SLC35B4: variants seen among roughly 807,000 people sequenced by gnomAD.
SLC35B4 encodes the protein solute carrier family 35 member B4, also known as nucleotide sugar transporter SLC35B4.
SLC35B4 carries 28 observed loss-of-function variants against 39.5 expected under a neutral mutation model. The ratio of observed to expected loss-of-function variants is 0.71; its 90% confidence interval spans 0.53 to 0.97. SLC35B4 has a LOEUF of 0.97. SLC35B4 is among the 50% of genes least tolerant of loss of function. The pLI, the probability that SLC35B4 is intolerant of heterozygous loss-of-function variation, is 0.00. For missense variants in SLC35B4, 334 were observed against 414.3 expected (o/e 0.81, Z 1.68); for synonymous variants, 145 against 150.4 (o/e 0.96, Z 0.26).
chr7:134,320,110 A>C (rs1007922063), upstream of SLC35B4, among the ~76,000 whole-genome samples: 2 of 152,144 alleles, frequency 1.3e-5, no homozygotes, highest in African/African-American at 4.8e-5. Context: ...TAGTGATTCA[A>C]AGCAAAACAA....
intron 8 of SLC35B4, among the ~76,000 whole-genome samples, chr7:134,297,830 G>C (rs1200028587): frequency 6.6e-6 from 1 of 152,186 alleles, no homozygotes; most frequent in Non-Finnish European, 1.5e-5. Flanking sequence ...GGGCCCAGGA[G>C]CTCGAGACCA....
intron 8 of SLC35B4, among the ~76,000 whole-genome samples, chr7:134,299,079 C>G (rs1477596030): frequency 6.6e-6 from 1 of 152,228 alleles, no homozygotes; most frequent in Non-Finnish European, 1.5e-5. Context: ...ACCTTGTCAT[C>G]ATTGAGCTCC....
At chr7:134,319,013 T>C (rs566251392), upstream of SLC35B4, among the ~76,000 whole-genome samples, 37 of 152,336 alleles carry the variant, frequency 2.4e-4, no homozygotes, top group African/African-American at 8.7e-4. Flanking sequence ...ACCTGTTGAC[T>C]GCACTTGGAG....
chr7:134,305,076 C>G (rs1803674716), intron 3 of SLC35B4, among the ~76,000 whole-genome samples: 1 of 152,190 alleles, frequency 6.6e-6, no homozygotes, highest in Non-Finnish European at 1.5e-5. Flanking sequence ...AATCCCAGCA[C>G]TTTGAGAAGC....
intron 2 of SLC35B4, 40 bp downstream of exon 2, chr7:134,309,325 TA>T: frequency 7.4e-7 from 1 of 1,343,828 alleles, no homozygotes; most frequent in Non-Finnish European, 1.0e-6. Flanking sequence ...TTTACTTTCT[TA>T]AAAAATCCAA....
chr7:134,302,035 C>T lies in SLC35B4; in HGVS notation c.420G>A (p.Lys140=), dbSNP rs1287711314. ...TAATTTGTGAGCTTCTTACCACCTG[C>T]TTTGCTGACATAAAAGTGCAAATAA... ...GIFICTFMSA[K]QVTSQSSLSE... The change falls in exon 5 of 10, where the codon AAG becomes AAA. Residue 140 remains lysine, a synonymous_variant. Coordinates refer to ENST00000378509, the MANE Select transcript of SLC35B4 (RefSeq NM_032826.5). 1 of 1,613,722 alleles carries T rather than the reference C, an allele frequency of 6.2e-7. No homozygotes were observed. The highest frequency in any genetic ancestry group is 1.3e-5 in the African/African-American group (1 of 74,900).
chr7:134,312,591 G>A (rs1275293593), intron 1 of SLC35B4, among the ~76,000 whole-genome samples: 2 of 152,172 alleles, frequency 1.3e-5, no homozygotes, highest in East Asian at 1.9e-4. Context: ...GAGAATGAAT[G>A]TGAGGGTTCC....
chr7:134,309,131 C>T (rs1459836782), intron 2 of SLC35B4, among the ~76,000 whole-genome samples: 2 of 152,204 alleles, frequency 1.3e-5, no homozygotes, highest in Non-Finnish European at 2.9e-5. Flanking sequence ...AACACACACA[C>T]ATACACACTC....
intron 1 of SLC35B4, among the ~76,000 whole-genome samples, chr7:134,316,259 A>C (rs1803972064): frequency 6.6e-6 from 1 of 152,212 alleles, no homozygotes; most frequent in Admixed American, 6.5e-5. Context: ...AGGATCGAAA[A>C]AAGAGCTAGA....
intron 4 of SLC35B4, among the ~76,000 whole-genome samples, chr7:134,303,810 C>T (rs1803646235): frequency 2.6e-5 from 4 of 152,140 alleles, no homozygotes; most frequent in Admixed American, 6.5e-5. Flanking sequence ...AACATCCTTC[C>T]TCCTTAGGAG....
In SLC35B4 at chr7:134,290,108, T is replaced by C. The variant is rs754852144; in HGVS notation, c.*4725A>G. ...AGCCTACTTCAAAAACTTTTAAGAA[T>C]CTTTAATGTTCTATTAGGGATCTTC... is the stretch of plus-strand genomic sequence containing the variant. On this transcript the variant is annotated 3_prime_UTR_variant, in exon 10 of 10. Coordinates refer to ENST00000378509, the MANE Select transcript of SLC35B4 (RefSeq NM_032826.5). 6.6e-6 allele frequency: 1 copy of C among 152,184 alleles called. No homozygotes were observed. The highest frequency in any genetic ancestry group is 2.4e-5 in the African/African-American group (1 of 41,442). The allele number at this position is 152,184 out of a possible 1,614,324, so 9.4% of individuals were successfully genotyped here.
chr7:134,307,779 C>T (rs1803742675), intron 2 of SLC35B4, among the ~76,000 whole-genome samples: 1 of 152,156 alleles, frequency 6.6e-6, no homozygotes, highest in Non-Finnish European at 1.5e-5. Flanking sequence ...GGTGTGGAGC[C>T]ATACACCACA....
intron 2 of SLC35B4, among the ~76,000 whole-genome samples, chr7:134,307,290 C>A (rs1204515255): frequency 1.3e-5 from 2 of 150,658 alleles, no homozygotes; most frequent in African/African-American, 4.9e-5. Flanking sequence ...AAATCAGGGT[C>A]TCTGTTTTTT....
intron 1 of SLC35B4, among the ~76,000 whole-genome samples, chr7:134,316,335 C>G (rs1231052302): frequency 6.6e-6 from 1 of 152,172 alleles, no homozygotes; most frequent in Non-Finnish European, 1.5e-5. Flanking sequence ...AGCTCTCTGC[C>G]GACCTTGGAC....
intron 1 of SLC35B4, among the ~76,000 whole-genome samples, chr7:134,310,052 A>G (rs1053572846): frequency 6.6e-6 from 1 of 152,234 alleles, no homozygotes; most frequent in Admixed American, 6.5e-5. Context: ...TTATAACAAT[A>G]AAGTACAAAT....
chr7:134,311,510 C>A (rs1803841137), intron 1 of SLC35B4, among the ~76,000 whole-genome samples: 1 of 152,082 alleles, frequency 6.6e-6, no homozygotes, highest in Non-Finnish European at 1.5e-5. Context: ...CAAAAATTAG[C>A]CAGATGTGGT....
chr7:134,301,972 T>C, intron 5 of SLC35B4, 57 bp downstream of exon 5: 1 of 1,562,124 alleles, frequency 6.4e-7, no homozygotes, highest in Non-Finnish European at 8.8e-7. Context: ...ATTAATTGCC[T>C]GGTAACTGGG....
intron 9 of SLC35B4, 46 bp from the exon 10 acceptor site, chr7:134,295,125 G>C (rs757239343): frequency 6.3e-7 from 1 of 1,595,966 alleles, no homozygotes; most frequent in Admixed American, 1.7e-5. Flanking sequence ...TGTACTTGGG[G>C]GATCAGTGAG....
At chr7:134,305,482 T>G (rs1803686443) in intron 3 of SLC35B4, among the ~76,000 whole-genome samples, 1 of 152,142 alleles carries the variant, frequency 6.6e-6, no homozygotes, top group South Asian at 2.1e-4. Context: ...TGAAAAAAAT[T>G]TGCATATTTG....
Sources: gnomAD v4.1 joint callset for allele counts (sites outside exome capture counted in the v4.1 genomes callset) on GRCh38, gnomAD v4.1.1 for gene constraint, MANE v1.5 for transcripts, NCBI Gene and HGNC (gene_info 2026-07-23, HGNC 2026-07-21) for gene names.